EPB41L4B: variants seen among roughly 807,000 people sequenced by gnomAD.
The protein encoded by EPB41L4B is erythrocyte membrane protein band 4.1 like 4B, also known as band 4.1-like protein 4B.
In EPB41L4B, 30 loss-of-function variants were observed where a neutral mutation model predicts 112.5. The observed-to-expected ratio is 0.27, with a 90% CI of 0.20 to 0.36. The LOEUF (loss-of-function observed/expected upper bound fraction) is 0.36, where lower values mean the gene tolerates loss of function less well. EPB41L4B is among the 10% of genes least tolerant of loss of function. EPB41L4B has a pLI of 1.00. For synonymous variants in EPB41L4B, 408 were observed against 439.7 expected, an observed-to-expected ratio of 0.93 and a Z score of 0.90; for missense variants, 1,024 against 1,133.3, an observed-to-expected ratio of 0.90 and a Z score of 1.38.
chr9:109,220,362 C>T (rs1281197629), intron 15 of EPB41L4B, among the ~76,000 whole-genome samples: 1 of 152,114 alleles, frequency 6.6e-6, no homozygotes, highest in Non-Finnish European at 1.5e-5. Context: ...GCTTAGAGTG[C>T]CTGGTTATCA....
chr9:109,306,801 C>G (rs17802723), intron 1 of EPB41L4B, among the ~76,000 whole-genome samples: 9,390 of 152,228 alleles, frequency 0.062, 386 homozygotes, highest in Non-Finnish European at 0.096. Context: ...AATCAGCCAG[C>G]CTTCGAAAAG....
rs1834720028 is a variant in EPB41L4B at position 109,249,966 on chromosome 9, A to G, written c.1310+1515T>C. 2.0e-5 allele frequency among the ~76,000 whole-genome samples: 3 copies of G among 152,306 alleles called. No individual in the cohort carries two copies. In the South Asian group the frequency reaches 6.2e-4, roughly 32 times the overall value. On this transcript the variant is annotated intron_variant, in intron 13 of 25. Transcript: ENST00000374566. The stretch of plus-strand genomic sequence containing the variant: ...TTCCAGCTGTGTAATATGAGGGACC[A>G]GCTGTGTTCTCTAGAACCCTGGGTT...
intron 1 of EPB41L4B, among the ~76,000 whole-genome samples, chr9:109,286,846 G>A (rs562508530): frequency 2.6e-5 from 4 of 152,308 alleles, no homozygotes; most frequent in African/African-American, 9.6e-5. Flanking sequence ...TGACAGCTAA[G>A]TTGGGATCCC....
chr9:109,222,384 C>T (rs1267610798), intron 15 of EPB41L4B, among the ~76,000 whole-genome samples: 1 of 152,174 alleles, frequency 6.6e-6, no homozygotes, highest in Non-Finnish European at 1.5e-5. Context: ...AAGATTCTAA[C>T]ATGGAGAAGT....
chr9:109,260,410 C>CTT (rs35040371), intron 6 of EPB41L4B, among the ~76,000 whole-genome samples: 220 of 102,488 alleles, frequency 2.1e-3, no homozygotes, highest in East Asian at 3.5e-3. Flanking sequence ...TCAATTGTAT[C>CTT]TTTTTTTTTT....
In EPB41L4B at chr9:109,320,224, T is replaced by G; in HGVS notation, c.223A>C (p.Ile75Leu). ...GCCTTGGCGGCGCCGGCGGCGGAGA[T>G]GTGCACGGCCGCGCCGCCGGTGAGC... The part of the protein sequence containing the change: ...PLLTGGAAVH[I>L]SAAGAAKATL... Residue 75 changes from isoleucine to leucine, a missense_variant, in exon 1 of 26, where the codon ATC becomes CTC. Physicochemically the swap from Ile to Leu is conservative, Grantham distance 5. Coordinates refer to ENST00000374566, the MANE Select transcript of EPB41L4B (RefSeq NM_019114.5). 1 of 1,337,868 alleles carries G rather than the reference T, an allele frequency of 7.5e-7. No homozygotes were observed. The highest frequency in any genetic ancestry group is 3.5e-5 in the Admixed American group (1 of 28,192). 82.9% of individuals were successfully genotyped at this position (1,337,868 alleles called of 1,614,324 possible).
At position 109,198,263 on chromosome 9, in the gene EPB41L4B, A is replaced by G. The variant is rs758773442; in HGVS notation, c.2045+1973T>C. Among the ~76,000 whole-genome samples, 56 of 152,034 alleles carry G rather than the reference A, an allele frequency of 3.7e-4. 1 individual carries two copies. Among genetic ancestry groups the G allele is most frequent in the Admixed American group, 2.6e-4 (4 of 15,248 alleles). On this transcript the variant is annotated intron_variant, in intron 20 of 25. Transcript: ENST00000374566. ...CTGTCCTACATTTTGCACTCTGGGT[A>G]CCCCCTAAACTCCATCTTTCCTCAG...
At chr9:109,241,692 C>G (rs199837045) in intron 15 of EPB41L4B, 6 of 1,614,180 alleles carry the variant, frequency 3.7e-6, no homozygotes, top group Middle Eastern at 1.6e-4. Flanking sequence ...TATCTCGATA[C>G]ATCATACTTT....
chr9:109,258,832 A>T (rs867558356), intron 6 of EPB41L4B, among the ~76,000 whole-genome samples: 65 of 152,262 alleles, frequency 4.3e-4, no homozygotes, highest in African/African-American at 1.6e-3. Context: ...CTGCAGGAGC[A>T]ACTGCGGGAA....
At chr9:109,214,331 ACATTAAATATT>A (rs1833288824) in intron 16 of EPB41L4B, among the ~76,000 whole-genome samples, 1 of 152,222 alleles carries the variant, frequency 6.6e-6, no homozygotes, top group African/African-American at 2.4e-5. Context: ...ACTCATTAAT[ACATTAAATATT>A]CATTAAATAT....
intron 24 of EPB41L4B, among the ~76,000 whole-genome samples, chr9:109,180,687 C>A (rs1409400987): frequency 1.3e-5 from 2 of 152,182 alleles, no homozygotes; most frequent in Non-Finnish European, 2.9e-5. Context: ...TAGTGGCCAT[C>A]ATCCATCTCG....
chr9:109,201,455 A>AAAAG (rs1832825678), intron 19 of EPB41L4B, among the ~76,000 whole-genome samples: 1 of 137,998 alleles, frequency 7.2e-6, no homozygotes, highest in Non-Finnish European at 1.5e-5. Flanking sequence ...GTCTCAAAAA[A>AAAAG]AAAAAAAAAA....
intron 20 of EPB41L4B, among the ~76,000 whole-genome samples, chr9:109,199,307 C>T (rs764413196): frequency 1.1e-4 from 16 of 152,094 alleles, no homozygotes; most frequent in Non-Finnish European, 1.3e-4. Context: ...TATTCATGCC[C>T]CTGTGTAATC....
chr9:109,247,678 CTT>C, intron 14 of EPB41L4B, 76 bp downstream of exon 14: 1 of 1,068,220 alleles, frequency 9.4e-7, no homozygotes, highest in Non-Finnish European at 1.3e-6. Context: ...AATTTAGAAA[CTT>C]TACAAAAACC....
At chr9:109,187,461 G>A (rs966071372) in intron 22 of EPB41L4B, among the ~76,000 whole-genome samples, 2 of 138,164 alleles carry the variant, frequency 1.4e-5, no homozygotes, top group Non-Finnish European at 3.2e-5. Context: ...TCTAAATCTA[G>A]TTTTTAGTCA....
intron 1 of EPB41L4B, among the ~76,000 whole-genome samples, chr9:109,309,076 TA>T (rs951925646): frequency 3.9e-4 from 57 of 146,814 alleles, no homozygotes; most frequent in East Asian, 5.9e-4. Context: ...TTCCGTCTTT[TA>T]AAAAAAAAAA....
intron 18 of EPB41L4B, among the ~76,000 whole-genome samples, chr9:109,205,340 A>C (rs1419691210): frequency 2.0e-5 from 3 of 151,984 alleles, no homozygotes; most frequent in Admixed American, 6.5e-5. Flanking sequence ...TCTTCCCTAT[A>C]CTTTACAAAA....
intron 1 of EPB41L4B, among the ~76,000 whole-genome samples, chr9:109,308,862 G>C (rs1168407673): frequency 1.3e-5 from 2 of 152,204 alleles, no homozygotes; most frequent in African/African-American, 2.4e-5. Flanking sequence ...CGGATCGCTT[G>C]AAGTCAGGAT....
intron 1 of EPB41L4B, among the ~76,000 whole-genome samples, chr9:109,301,591 T>C (rs1836969633): frequency 6.6e-6 from 1 of 152,214 alleles, no homozygotes; most frequent in Non-Finnish European, 1.5e-5. Flanking sequence ...GTTCTACAGC[T>C]GCGTGTACAT....
Sources: gnomAD v4.1 joint callset for allele counts (sites outside exome capture counted in the v4.1 genomes callset) on GRCh38, gnomAD v4.1.1 for gene constraint, MANE v1.5 for transcripts, NCBI Gene and HGNC (gene_info 2026-07-23, HGNC 2026-07-21) for gene names.